The following ZNF385B variants were observed in gnomAD, a reference collection of about 807,000 sequenced individuals.
ZNF385B encodes the protein zinc finger protein 385B.
ZNF385B carries 23 observed loss-of-function variants against 39.2 expected under a neutral mutation model. That is an observed-to-expected ratio of 0.59 (90% CI 0.42 to 0.83). ZNF385B has a LOEUF of 0.83. Ranked by LOEUF, ZNF385B falls within the 40% of genes least tolerant of loss-of-function variation. The pLI, the probability that ZNF385B is intolerant of heterozygous loss-of-function variation, is 0.00. For missense variants in ZNF385B, 552 were observed against 598.9 expected (o/e 0.92, Z 0.82); for synonymous variants, 205 against 222.6 (o/e 0.92, Z 0.70).
chr2:179,452,157 A>G (rs1443116758), intron 6 of ZNF385B, among the ~76,000 whole-genome samples: 5 of 152,130 alleles, frequency 3.3e-5, no homozygotes, highest in Non-Finnish European at 7.4e-5. Flanking sequence ...ATCCAAGTGA[A>G]TTTATTTCTT....
intron 5 of ZNF385B, among the ~76,000 whole-genome samples, chr2:179,499,872 A>T (rs1456471527): frequency 6.6e-6 from 1 of 152,044 alleles, no homozygotes; most frequent in East Asian, 1.9e-4. Flanking sequence ...AGATAATATT[A>T]TCTTATATTT....
intron 3 of ZNF385B, among the ~76,000 whole-genome samples, chr2:179,639,665 A>G (rs1020801161): frequency 2.0e-5 from 3 of 152,182 alleles, no homozygotes; most frequent in African/African-American, 7.2e-5. Context: ...AGGCAAATGA[A>G]CTAATACATG....
chr2:179,718,259 C>T (rs1216346884), intron 3 of ZNF385B, among the ~76,000 whole-genome samples: 3 of 151,268 alleles, frequency 2.0e-5, no homozygotes, highest in East Asian at 3.9e-4. Flanking sequence ...CATGTTGACA[C>T]ATCAATAGTG....
intron 3 of ZNF385B, among the ~76,000 whole-genome samples, chr2:179,763,542 C>T (rs930259800): frequency 6.6e-6 from 1 of 151,998 alleles, no homozygotes; most frequent in Non-Finnish European, 1.5e-5. Flanking sequence ...CTTCCATTTG[C>T]TTGTGGTTTG....
At chr2:179,494,359 A>G (rs1042852974) in intron 5 of ZNF385B, among the ~76,000 whole-genome samples, 5 of 152,122 alleles carry the variant, frequency 3.3e-5, no homozygotes, top group Admixed American at 6.6e-5. Flanking sequence ...TGGAGAACCA[A>G]CCATGTGTGT....
intron 3 of ZNF385B, among the ~76,000 whole-genome samples, chr2:179,618,127 G>C (rs570346976): frequency 6.6e-6 from 1 of 152,170 alleles, no homozygotes; most frequent in African/African-American, 2.4e-5. Context: ...CCAAGAAAAT[G>C]ATCACTCTTA....
chr2:179,735,119 C>T (rs573901854), intron 3 of ZNF385B, among the ~76,000 whole-genome samples: 83 of 152,216 alleles, frequency 5.5e-4, no homozygotes, highest in Non-Finnish European at 6.2e-4. Flanking sequence ...AGAAAATTTT[C>T]GCAACCCACT....
At chr2:179,559,673 G>A (rs527276528) in intron 3 of ZNF385B, among the ~76,000 whole-genome samples, 3 of 151,752 alleles carry the variant, frequency 2.0e-5, no homozygotes, top group African/African-American at 7.3e-5. Context: ...AATTTATAGT[G>A]TACAATGTGA....
chr2:179,621,469 G>A (rs957194892), intron 3 of ZNF385B, among the ~76,000 whole-genome samples: 14 of 152,178 alleles, frequency 9.2e-5, no homozygotes, highest in African/African-American at 1.4e-4. Flanking sequence ...AGAGGGAGCC[G>A]TGATTTGTAG....
Position 179,834,285 on chromosome 2 carries a change from T to C in ZNF385B, c.-155+26816A>G, listed in dbSNP as rs1708133547. ...CCCCATTAGAAGAAGCCAGAACCTT[T>C]TGGAGAAATCAGTGATTACTGGTCT... On this transcript the variant is annotated intron_variant, in intron 1 of 9. Coordinates refer to ENST00000410066, the MANE Select transcript of ZNF385B (RefSeq NM_152520.6). Among the ~76,000 whole-genome samples the C allele has an allele frequency of 2.0e-5, 3 of 152,260 alleles. No homozygotes were observed. In the South Asian group the frequency reaches 6.2e-4, roughly 32 times the overall value.
chr2:179,555,820 G>A (rs2060869366), intron 3 of ZNF385B, among the ~76,000 whole-genome samples: 1 of 149,036 alleles, frequency 6.7e-6, no homozygotes, highest in Non-Finnish European at 1.5e-5. Context: ...TCTAACAATT[G>A]GCAGTTACGT....
At chr2:179,821,319 C>A (rs553991988) in intron 1 of ZNF385B, among the ~76,000 whole-genome samples, 60 of 152,190 alleles carry the variant, frequency 3.9e-4, no homozygotes, top group African/African-American at 1.4e-3. Flanking sequence ...CATTTAATAT[C>A]AGAAATGCTC....
chr2:179,803,220 A>G (rs1377246118), intron 1 of ZNF385B, among the ~76,000 whole-genome samples: 1 of 152,180 alleles, frequency 6.6e-6, no homozygotes, highest in Non-Finnish European at 1.5e-5. Flanking sequence ...TATTATAAAT[A>G]GTTCAGTAGA....
chr2:179,656,663 AC>A (rs1693796513), intron 3 of ZNF385B, among the ~76,000 whole-genome samples: 1 of 152,092 alleles, frequency 6.6e-6, no homozygotes, highest in African/African-American at 2.4e-5. Context: ...GTGTTTCTCA[AC>A]CTTTTTATTC....
At chr2:179,592,024 T>C (rs79795253) in intron 3 of ZNF385B, among the ~76,000 whole-genome samples, 2,303 of 152,306 alleles carry the variant, frequency 0.015, 61 homozygotes, top group African/African-American at 0.052. Context: ...ATCTTGTGAT[T>C]ACAAATTAGG....
At chr2:179,443,599 T>G in intron 9 of ZNF385B, 131 bp from the exon 10 acceptor site, 1 of 735,774 alleles carries the variant, frequency 1.4e-6, no homozygotes. Flanking sequence ...CTCTCAGAAG[T>G]CAAGAAATCA....
intron 3 of ZNF385B, among the ~76,000 whole-genome samples, chr2:179,629,759 C>G (rs181805968): frequency 2.6e-5 from 4 of 152,180 alleles, no homozygotes; most frequent in Non-Finnish European, 5.9e-5. Context: ...TTTCCCTTTC[C>G]TAGCCAAGGG....
intron 3 of ZNF385B, among the ~76,000 whole-genome samples, chr2:179,675,725 T>C (rs1170026706): frequency 1.3e-5 from 2 of 152,010 alleles, no homozygotes; most frequent in Middle Eastern, 3.4e-3. Context: ...CCAACTAGGA[T>C]GAATTTGGTA....
At chr2:179,653,995 G>T (rs991770270) in intron 3 of ZNF385B, among the ~76,000 whole-genome samples, 2 of 152,190 alleles carry the variant, frequency 1.3e-5, no homozygotes, top group African/African-American at 2.4e-5. Flanking sequence ...AATAGAGAAG[G>T]GTTATGGGTC....
Sources: gnomAD v4.1 joint callset for allele counts (sites outside exome capture counted in the v4.1 genomes callset) on GRCh38, gnomAD v4.1.1 for gene constraint, MANE v1.5 for transcripts, NCBI Gene and HGNC (gene_info 2026-07-23, HGNC 2026-07-21) for gene names.